ZNF267: variants seen among roughly 807,000 people sequenced by gnomAD.
ZNF267 encodes the protein zinc finger (C2H2).
Under a neutral mutation model 71.6 loss-of-function variants are expected in ZNF267, and 61 were observed. The ratio of observed to expected loss-of-function variants is 0.85; its 90% CI spans 0.69 to 1.05. The LOEUF (loss-of-function observed/expected upper bound fraction) is 1.05. ZNF267 is among the 50% of genes least tolerant of loss of function. The probability of loss-of-function intolerance (pLI) is 0.00; values close to 1 mark genes in which losing one functional copy is unlikely to be tolerated. For synonymous variants in ZNF267, 288 were observed against 293.2 expected (o/e 0.98, Z 0.18); for missense variants, 852 against 870.0 (o/e 0.98, Z 0.26).
chr16:31,902,158 T>C (rs2084046742), intron 3 of ZNF267, among the ~76,000 whole-genome samples: 1 of 152,224 alleles, frequency 6.6e-6, no homozygotes, highest in African/African-American at 2.4e-5. Flanking sequence ...TCTATATCTC[T>C]GTTTTTGTAC....
At chr16:31,906,375 G>T (rs900822266) in intron 3 of ZNF267, among the ~76,000 whole-genome samples, 2 of 152,198 alleles carry the variant, frequency 1.3e-5, no homozygotes, top group Admixed American at 1.3e-4. Context: ...GCCCCCAGAG[G>T]TGGAGTCTAC....
chr16:31,908,672 A>C (rs1410686213), intron 3 of ZNF267, among the ~76,000 whole-genome samples: 1 of 152,070 alleles, frequency 6.6e-6, no homozygotes, highest in African/African-American at 2.4e-5. Context: ...TTGAAAAAAA[A>C]CTGTCCTTTC....
intron 1 of ZNF267, 49 bp from the exon 2 acceptor site, chr16:31,884,449 G>A (rs1351031948): frequency 1.9e-6 from 3 of 1,611,648 alleles, no homozygotes; most frequent in African/African-American, 2.7e-5. Flanking sequence ...GACAAATGAA[G>A]AACTCTGCCA....
At chr16:31,908,678 C>T (rs905875575) in intron 3 of ZNF267, among the ~76,000 whole-genome samples, 1 of 151,682 alleles carries the variant, frequency 6.6e-6, no homozygotes, top group Non-Finnish European at 1.5e-5. Flanking sequence ...AAAAACTGTC[C>T]TTTCTCTAGT....
At chr16:31,904,924 C>T (rs891473223) in intron 3 of ZNF267, among the ~76,000 whole-genome samples, 6 of 152,034 alleles carry the variant, frequency 3.9e-5, no homozygotes, top group Admixed American at 1.3e-4. Context: ...TGGCTGGTAC[C>T]GGTTGTTCCT....
At chr16:31,905,201 C>T (rs1186897030) in intron 3 of ZNF267, among the ~76,000 whole-genome samples, 1 of 152,200 alleles carries the variant, frequency 6.6e-6, no homozygotes, top group African/African-American at 2.4e-5. Context: ...TGACCTTTCT[C>T]TCTGGCTGCC....
In ZNF267 at chr16:31,888,285, G is replaced by A. The variant is rs141970149; in HGVS notation, c.226+3029G>A. Among the ~76,000 whole-genome samples the A allele has an allele frequency of 1.3e-4, 19 of 151,984 alleles. 1 individual carries two copies. The East Asian group carries it at 3.7e-3, about 29-fold the overall frequency. On this transcript the variant is annotated intron_variant, in intron 3 of 3. Transcript: ENST00000300870. The stretch of plus-strand genomic sequence containing the variant: ...TTTGGTATAGTCTTTATGGTTTTCT[G>A]TATCTTCAAATCACTTCATCTGTAA...
At chr16:31,894,307 C>G (rs988357083) in intron 3 of ZNF267, among the ~76,000 whole-genome samples, 1 of 152,206 alleles carries the variant, frequency 6.6e-6, no homozygotes, top group African/African-American at 2.4e-5. Flanking sequence ...TTTGGCTGTG[C>G]TCCCTTGACT....
Position 31,915,969 on chromosome 16 carries a change from A to G in ZNF267, c.1720A>G (p.Lys574Glu), listed in dbSNP as rs746496766. 1 of 1,612,880 alleles carries G rather than the reference A, an allele frequency of 6.2e-7. No individual in the cohort carries two copies. Among genetic ancestry groups the G allele is most frequent in the South Asian group, 1.1e-5 (1 of 91,080 alleles). ...ACATCATCGAATTCATACTGGAGAA[A>G]AACCATACAAATGTAAAGCATGTAG... ...IRHHRIHTGE[K>E]PYKCKACSKS... The change falls in exon 4 of 4, where the codon AAA (lysine) becomes GAA (glutamate). Residue 574 changes from lysine (K) to glutamate (E), a missense_variant. Transcript: ENST00000300870.
chr16:31,905,052 T>C (rs965192628), intron 3 of ZNF267, among the ~76,000 whole-genome samples: 3 of 152,146 alleles, frequency 2.0e-5, no homozygotes, highest in Admixed American at 6.5e-5. Flanking sequence ...TGAAGCTTAG[T>C]TTGGCTGGAT....
At chr16:31,874,423 C>T (rs188104359) in intron 1 of ZNF267, among the ~76,000 whole-genome samples, 83 of 152,312 alleles carry the variant, frequency 5.4e-4, no homozygotes, top group African/African-American at 1.9e-3. Flanking sequence ...CATGGGAAGC[C>T]TGCAGTCCTG....
intron 1 of ZNF267, among the ~76,000 whole-genome samples, chr16:31,874,971 T>C (rs1362956704): frequency 6.6e-6 from 1 of 152,218 alleles, no homozygotes; most frequent in African/African-American, 2.4e-5. Flanking sequence ...GATGACACTT[T>C]TTTAAAGATT....
intron 1 of ZNF267, among the ~76,000 whole-genome samples, chr16:31,876,966 A>G (rs189998263): frequency 6.6e-6 from 1 of 152,312 alleles, no homozygotes; most frequent in African/African-American, 2.4e-5. Flanking sequence ...CTGAAAGCTG[A>G]AAATCCACAG....
At chr16:31,874,158 C>T in intron 1 of ZNF267, 189 bp downstream of exon 1, 2 of 616,752 alleles carry the variant, frequency 3.2e-6, no homozygotes, top group Non-Finnish European at 5.7e-6. Flanking sequence ...CAGCCGGGAC[C>T]CCGCGTGTCC....
At position 31,873,942 on chromosome 16, in the gene ZNF267, G is replaced by T. The variant is rs747828980; in HGVS notation, c.-25G>T. The T allele has an allele frequency of 1.2e-6, 2 of 1,613,680 alleles. No individual in the cohort carries two copies. Among genetic ancestry groups the T allele is most frequent in the South Asian group, 1.1e-5 (1 of 91,020 alleles). On this transcript the variant is annotated 5_prime_UTR_variant, in exon 1 of 4. Coordinates refer to ENST00000300870, the MANE Select transcript of ZNF267 (RefSeq NM_003414.6). ...GCACTGGGAGATTCGTAGCTAAGAC[G>T]CCAGGGCATCCCGGAAGCTGGGAAA...
In ZNF267 at chr16:31,915,885, A is replaced by T; in HGVS notation, c.1636A>T (p.Lys546Ter). 6.2e-7 allele frequency: 1 copy of T among 1,613,874 alleles called. No homozygotes were observed. Among genetic ancestry groups the T allele is most frequent in the Non-Finnish European group, 8.5e-7 (1 of 1,180,012 alleles). The change falls in exon 4 of 4, where the codon AAA becomes TAA. Residue 546 changes from lysine (K) to a stop codon, truncating the protein, a stop_gained. Transcript: ENST00000300870. LOFTEE classifies it high-confidence loss of function. ...GCATGAGAGAATTCATACTGGAGAG[A>T]AACCCTATAAATGTAAAGAATGTGG... ...IVHERIHTGE[K>*]PYKCKECGKA... is the part of the protein sequence containing the mutation.
intron 3 of ZNF267, among the ~76,000 whole-genome samples, chr16:31,898,955 G>C (rs1379475481): frequency 2.6e-5 from 4 of 152,126 alleles, no homozygotes; most frequent in Non-Finnish European, 4.4e-5. Context: ...TTACATAATG[G>C]TAAAGGGATC....
At chr16:31,895,755 G>A (rs370310757) in intron 3 of ZNF267, among the ~76,000 whole-genome samples, 42 of 152,140 alleles carry the variant, frequency 2.8e-4, no homozygotes, top group East Asian at 2.1e-3. Flanking sequence ...GTACCTGTTG[G>A]CCATTTGTAT....
At chr16:31,878,893 A>T (rs1219607272) in intron 1 of ZNF267, among the ~76,000 whole-genome samples, 2 of 152,236 alleles carry the variant, frequency 1.3e-5, no homozygotes, top group Non-Finnish European at 2.9e-5. Flanking sequence ...GCAAATACAA[A>T]TTAGAAATAC....
Sources: allele counts gnomAD v4.1 joint callset (sites outside exome capture counted in the v4.1 genomes callset), GRCh38; gene constraint gnomAD v4.1.1; transcripts MANE v1.5; gene names NCBI Gene and HGNC (gene_info 2026-07-23, HGNC 2026-07-21).